The following MECOM variants were observed in gnomAD, a reference collection of about 807,000 sequenced individuals.
MECOM encodes histone-lysine N-methyltransferase MECOM.
In MECOM, 13 loss-of-function variants were observed where a neutral mutation model predicts 116.3. That is an observed-to-expected ratio of 0.11 (90% confidence interval 0.07 to 0.18). The LOEUF is 0.18. Ranked by LOEUF, MECOM falls within the 10% of genes least tolerant of loss-of-function variation. The pLI is 1.00. For synonymous variants in MECOM, 528 were observed against 535.2 expected, an observed-to-expected ratio of 0.99 and a Z score of 0.19; for missense variants, 1,299 against 1,509.0, an observed-to-expected ratio of 0.86 and a Z score of 2.31.
chr3:169,639,050 T>C (rs1194823171), intron 1 of MECOM, among the ~76,000 whole-genome samples: 1 of 152,164 alleles, frequency 6.6e-6, no homozygotes, highest in Non-Finnish European at 1.5e-5. Context: ...AGTGCTAAGA[T>C]ACTGAATAAG....
chr3:169,117,759 A>G (rs1460990528), intron 7 of MECOM, among the ~76,000 whole-genome samples: 1 of 152,234 alleles, frequency 6.6e-6, no homozygotes, highest in Non-Finnish European at 1.5e-5. Flanking sequence ...GTGCCACTAT[A>G]GCCAAGTATA....
chr3:169,099,694 A>G (rs1306210570), intron 12 of MECOM, among the ~76,000 whole-genome samples: 1 of 152,170 alleles, frequency 6.6e-6, no homozygotes, highest in Non-Finnish European at 1.5e-5. Context: ...AATTTTGCAT[A>G]CATGCAATGT....
intron 2 of MECOM, among the ~76,000 whole-genome samples, chr3:169,308,518 T>C (rs1718126932): frequency 6.6e-6 from 1 of 152,130 alleles, no homozygotes; most frequent in South Asian, 2.1e-4. Flanking sequence ...TGTTCAAAAA[T>C]AAAGGGCAAA....
At chr3:169,517,800 T>C (rs1019466272) in intron 1 of MECOM, among the ~76,000 whole-genome samples, 4 of 152,140 alleles carry the variant, frequency 2.6e-5, no homozygotes, top group Non-Finnish European at 5.9e-5. Context: ...GTACTAGAGA[T>C]TCAGTAACTT....
chr3:169,111,550 G>A (rs1394934986), intron 9 of MECOM, among the ~76,000 whole-genome samples: 1 of 152,004 alleles, frequency 6.6e-6, no homozygotes. Context: ...AACATTAACT[G>A]TTTTGTAACT....
At chr3:169,654,667 G>A (rs1775307238) in intron 1 of MECOM, among the ~76,000 whole-genome samples, 1 of 152,194 alleles carries the variant, frequency 6.6e-6, no homozygotes, top group South Asian at 2.1e-4. Flanking sequence ...ACAAGAAGGG[G>A]AGGGAATGCT....
At chr3:169,510,202 T>C (rs1195761814) in intron 1 of MECOM, among the ~76,000 whole-genome samples, 1 of 152,150 alleles carries the variant, frequency 6.6e-6, no homozygotes, top group Non-Finnish European at 1.5e-5. Flanking sequence ...TTCTCATCAC[T>C]GTAAACTCCT....
chr3:169,568,581 A>ACAG (rs1763520587), intron 1 of MECOM, among the ~76,000 whole-genome samples: 1 of 152,180 alleles, frequency 6.6e-6, no homozygotes, highest in Non-Finnish European at 1.5e-5. Context: ...TATTCCCCTC[A>ACAG]CAGTGTAAAC....
chr3:169,299,713 T>C (rs1339086911), intron 2 of MECOM, among the ~76,000 whole-genome samples: 1 of 152,226 alleles, frequency 6.6e-6, no homozygotes, highest in African/African-American at 2.4e-5. Flanking sequence ...TATGGAATTT[T>C]AATGACCACA....
chr3:169,450,054 A>C (rs1407967429), intron 1 of MECOM, among the ~76,000 whole-genome samples: 1 of 152,206 alleles, frequency 6.6e-6, no homozygotes. Context: ...TAATTTGGAC[A>C]AGAGCAGCTT....
intron 2 of MECOM, among the ~76,000 whole-genome samples, chr3:169,306,243 T>C (rs531901650): frequency 1.3e-5 from 2 of 152,292 alleles, no homozygotes; most frequent in East Asian, 3.9e-4. Flanking sequence ...TTAATTAATA[T>C]ATACTAAGAA....
intron 1 of MECOM, among the ~76,000 whole-genome samples, chr3:169,397,681 G>A (rs187074783): frequency 4.2e-4 from 64 of 152,258 alleles, no homozygotes; most frequent in Admixed American, 1.6e-3. Context: ...TACATGACAC[G>A]ACCTTGATAA....
At chr3:169,361,875 A>C (rs1018070634) in intron 2 of MECOM, among the ~76,000 whole-genome samples, 2 of 151,874 alleles carry the variant, frequency 1.3e-5, no homozygotes, top group African/African-American at 4.8e-5. Context: ...GTTCATACCT[A>C]TATCTTTTCA....
At chr3:169,545,293 T>C (rs1760593159) in intron 1 of MECOM, among the ~76,000 whole-genome samples, 2 of 152,182 alleles carry the variant, frequency 1.3e-5, no homozygotes, top group Non-Finnish European at 2.9e-5. Flanking sequence ...TAGGGCTCTG[T>C]CTACATACAC....
chr3:169,565,846 A>T (rs1763169321), intron 1 of MECOM: 1 of 371,546 alleles, frequency 2.7e-6, no homozygotes. Context: ...GGAGTCAGGG[A>T]GGTTTGGCAG....
At chr3:169,576,342 A>G (rs549923095) in intron 1 of MECOM, among the ~76,000 whole-genome samples, 1 of 152,290 alleles carries the variant, frequency 6.6e-6, no homozygotes, top group East Asian at 1.9e-4. Flanking sequence ...CGCATCAAAA[A>G]CCACAATAAA....
chr3:169,537,758 T>G (rs1428275116), intron 1 of MECOM, among the ~76,000 whole-genome samples: 2 of 151,292 alleles, frequency 1.3e-5, no homozygotes, highest in African/African-American at 4.8e-5. Flanking sequence ...TCAAATCCTA[T>G]CACAAATGCC....
chr3:169,435,503 G>A (rs943731146), intron 1 of MECOM, among the ~76,000 whole-genome samples: 3 of 152,240 alleles, frequency 2.0e-5, no homozygotes, highest in East Asian at 1.9e-4. Context: ...GGAAGCAGAG[G>A]GAGAGAAAAT....
At chr3:169,597,477 G>T (rs1403316548) in intron 1 of MECOM, among the ~76,000 whole-genome samples, 1 of 152,210 alleles carries the variant, frequency 6.6e-6, no homozygotes, top group Non-Finnish European at 1.5e-5. Context: ...TTGACTTATG[G>T]GGCCTGCAGA....
Sources: gnomAD v4.1 joint callset for allele counts (sites outside exome capture counted in the v4.1 genomes callset) on GRCh38, gnomAD v4.1.1 for gene constraint, MANE v1.5 for transcripts, NCBI Gene and HGNC (gene_info 2026-07-23, HGNC 2026-07-21) for gene names.